PPP4R4: variants seen among roughly 807,000 people sequenced by gnomAD.
The protein encoded by PPP4R4 is protein phosphatase 4 regulatory subunit 4.
In PPP4R4, 70 loss-of-function variants were observed where a neutral mutation model predicts 121.8. The ratio of observed to expected loss-of-function variants is 0.57; its 90% CI spans 0.47 to 0.70. PPP4R4 has a LOEUF of 0.70. Ranked by LOEUF, PPP4R4 falls within the 30% of genes least tolerant of loss-of-function variation. The pLI is 0.00. For synonymous variants in PPP4R4, 348 were observed against 355.7 expected (o/e 0.98, Z 0.24); for missense variants, 875 against 1,033.6 (o/e 0.85, Z 2.10).
intron 3 of PPP4R4, among the ~76,000 whole-genome samples, chr14:94,209,928 ACTTTAGAGGTCT>A (rs1890655434): frequency 1.3e-5 from 2 of 152,116 alleles, no homozygotes; most frequent in South Asian, 4.1e-4. Context: ...AGAGCAGTGA[ACTTTAGAGGTCT>A]CTAAATTACT....
Position 94,237,613 on chromosome 14 carries a change from T to C in PPP4R4, c.780T>C (p.Ser260=). 6.2e-7 allele frequency: 1 copy of C among 1,612,668 alleles called. No individual in the cohort carries two copies. The highest frequency in any genetic ancestry group is 8.5e-7 in the Non-Finnish European group (1 of 1,178,604). Residue 260 remains serine (S), a synonymous_variant, in exon 8 of 25, where the codon TCT becomes TCC. Coordinates refer to ENST00000304338, the MANE Select transcript of PPP4R4 (RefSeq NM_058237.2). ...SVVLPELIEL[S]RDEGSSVRLA... ...TGCTCCCTGAATTAATAGAACTTTC[T>C]AGGGATGAAGGCAGCAGTGTACGAC...
At chr14:94,242,013 T>C in intron 10 of PPP4R4, 56 bp downstream of exon 10, 1 of 1,472,430 alleles carries the variant, frequency 6.8e-7, no homozygotes, top group Middle Eastern at 1.9e-4. Flanking sequence ...TTAAAATATG[T>C]GCATAGATGG....
At chr14:94,204,752 A>G (rs1301501614) in intron 2 of PPP4R4, among the ~76,000 whole-genome samples, 1 of 152,028 alleles carries the variant, frequency 6.6e-6, no homozygotes, top group African/African-American at 2.4e-5. Context: ...TTCTTTCAGC[A>G]TTGTGTATTT....
chr14:94,203,749 A>G (rs1309751086), intron 2 of PPP4R4, among the ~76,000 whole-genome samples: 1 of 152,146 alleles, frequency 6.6e-6, no homozygotes, highest in Non-Finnish European at 1.5e-5. Context: ...GTGTGTAGTG[A>G]TATCTCATTG....
intron 2 of PPP4R4, among the ~76,000 whole-genome samples, chr14:94,183,363 G>C (rs569299813): frequency 6.6e-6 from 1 of 152,266 alleles, no homozygotes; most frequent in African/African-American, 2.4e-5. Context: ...TTAGGACAGA[G>C]GGATCACTGT....
At chr14:94,256,670 T>G in intron 17 of PPP4R4, 66 bp downstream of exon 17, 1 of 1,396,148 alleles carries the variant, frequency 7.2e-7, no homozygotes, top group South Asian at 1.4e-5. Flanking sequence ...TTAGCTTCAC[T>G]ATTTCAGCTT....
At chr14:94,256,145 C>T (rs997914002) in intron 16 of PPP4R4, among the ~76,000 whole-genome samples, 2 of 152,170 alleles carry the variant, frequency 1.3e-5, no homozygotes, top group African/African-American at 4.8e-5. Context: ...CCCTGGTACT[C>T]CCTTGTCTTT....
intron 19 of PPP4R4, among the ~76,000 whole-genome samples, chr14:94,259,891 C>A (rs756864880): frequency 1.3e-5 from 2 of 152,110 alleles, no homozygotes; most frequent in Non-Finnish European, 2.9e-5. Context: ...ATCAAGAAGC[C>A]ATTCCTTTTT....
At chr14:94,278,031 T>C (rs1003594153) in intron 24 of PPP4R4, among the ~76,000 whole-genome samples, 1 of 152,302 alleles carries the variant, frequency 6.6e-6, no homozygotes, top group African/African-American at 2.4e-5. Context: ...GATATCCACA[T>C]TGGTCTTTCT....
chr14:94,227,713 G>C, intron 3 of PPP4R4: 1 of 1,013,302 alleles, frequency 9.9e-7, no homozygotes, highest in Non-Finnish European at 1.2e-6. Flanking sequence ...GACTTTAAGA[G>C]GGGGCAGAAT....
At chr14:94,250,454 G>C (rs948559052) in intron 15 of PPP4R4, among the ~76,000 whole-genome samples, 177 bp downstream of exon 15, 4 of 151,898 alleles carry the variant, frequency 2.6e-5, no homozygotes, top group Admixed American at 6.6e-5. Context: ...ATGAATGAAA[G>C]TAATAATTAC....
At chr14:94,252,569 A>T (rs1038771743) in intron 16 of PPP4R4, among the ~76,000 whole-genome samples, 1 of 152,266 alleles carries the variant, frequency 6.6e-6, no homozygotes, top group Non-Finnish European at 1.5e-5. Flanking sequence ...TGTATAGTTG[A>T]GTGGCATTAA....
Position 94,176,132 on chromosome 14 carries a change from T to C in PPP4R4, c.191+5T>C. On this transcript the variant is annotated splice_donor_5th_base_variant and intron_variant, in intron 2 of 24. Transcript: ENST00000304338. ...AAGGGCTGTTTATCTGCTCAGGTAT[T>C]TCCTAGTCTTTCTGTGAAATTGCTC... 1 of 1,597,810 alleles carries C rather than the reference T, an allele frequency of 6.3e-7. No individual in the cohort carries two copies. Among genetic ancestry groups the C allele is most frequent in the Non-Finnish European group, 8.6e-7 (1 of 1,165,140 alleles).
chr14:94,262,167 T>C (rs1893821633), intron 19 of PPP4R4, among the ~76,000 whole-genome samples: 1 of 152,034 alleles, frequency 6.6e-6, no homozygotes, highest in Non-Finnish European at 1.5e-5. Flanking sequence ...TGAAGTTATC[T>C]AAGCCTGGAA....
chr14:94,211,146 G>A (rs1890719453), intron 3 of PPP4R4, among the ~76,000 whole-genome samples: 1 of 152,158 alleles, frequency 6.6e-6, no homozygotes, highest in Non-Finnish European at 1.5e-5. Context: ...TATAAGGCAG[G>A]CACTGTTCGA....
At chr14:94,195,061 C>T (rs1025994828) in intron 2 of PPP4R4, among the ~76,000 whole-genome samples, 1 of 152,180 alleles carries the variant, frequency 6.6e-6, no homozygotes, top group African/African-American at 2.4e-5. Context: ...AAGTTGTGAA[C>T]ATATGCAGTC....
chr14:94,227,802 T>G, intron 3 of PPP4R4: 1 of 987,168 alleles, frequency 1.0e-6, no homozygotes, highest in Non-Finnish European at 1.2e-6. Context: ...AATATTTATT[T>G]GCAAAGTCCT....
chr14:94,264,837 T>G, intron 19 of PPP4R4, 41 bp from the exon 20 acceptor site: 1 of 1,435,672 alleles, frequency 7.0e-7, no homozygotes, highest in Non-Finnish European at 9.6e-7. Flanking sequence ...CTAGACCTAC[T>G]TCAGTTGTAC....
intron 8 of PPP4R4, among the ~76,000 whole-genome samples, chr14:94,238,015 C>G (rs956489433): frequency 8.5e-5 from 13 of 152,190 alleles, no homozygotes; most frequent in African/African-American, 3.1e-4. Flanking sequence ...CATGCCACCT[C>G]GTAATCTGGC....
Sources: gnomAD v4.1 joint callset for allele counts (sites outside exome capture counted in the v4.1 genomes callset) on GRCh38, gnomAD v4.1.1 for gene constraint, MANE v1.5 for transcripts, NCBI Gene and HGNC (gene_info 2026-07-23, HGNC 2026-07-21) for gene names.